Variants in TDRD7 observed in about 807,000 individuals in gnomAD.
TDRD7 encodes tudor domain-containing protein 7.
In TDRD7, 47 loss-of-function variants were observed where a neutral mutation model predicts 109.8. That is an observed-to-expected ratio of 0.43 (90% CI 0.34 to 0.55). TDRD7 has a LOEUF of 0.55. TDRD7 is among the 20% of genes least tolerant of loss of function. The pLI is 0.03. For missense variants in TDRD7, 1,164 were observed against 1,319.2 expected (o/e 0.88, Z 1.82); for synonymous variants, 424 against 457.3 (o/e 0.93, Z 0.93).
chr9:97,460,795 C>A, intron 7 of TDRD7, 31 bp downstream of exon 7: 1 of 1,582,210 alleles, frequency 6.3e-7, no homozygotes, highest in Non-Finnish European at 8.7e-7. Context: ...CTTTAGGATT[C>A]TGATATACTT....
At chr9:97,464,315 T>C (rs930171463) in intron 7 of TDRD7, among the ~76,000 whole-genome samples, 1 of 152,182 alleles carries the variant, frequency 6.6e-6, no homozygotes, top group Non-Finnish European at 1.5e-5. Context: ...TTGGACCAAA[T>C]GTTTGCTGTG....
intron 8 of TDRD7, among the ~76,000 whole-genome samples, chr9:97,469,434 A>G (rs1250819128): frequency 6.6e-6 from 1 of 152,184 alleles, no homozygotes; most frequent in East Asian, 1.9e-4. Context: ...GAAAGGAGTT[A>G]GTGGTGTCTT....
chr9:97,453,178 G>A (rs759393300), intron 6 of TDRD7, among the ~76,000 whole-genome samples: 4 of 152,176 alleles, frequency 2.6e-5, no homozygotes, highest in Non-Finnish European at 5.9e-5. Context: ...ACCCACTTCA[G>A]AGAAAGTATT....
chr9:97,431,492 A>G (rs950881729), intron 3 of TDRD7, among the ~76,000 whole-genome samples: 3 of 152,220 alleles, frequency 2.0e-5, no homozygotes, highest in African/African-American at 7.2e-5. Context: ...GAAATGTTAT[A>G]GACAACTCAG....
intron 6 of TDRD7, among the ~76,000 whole-genome samples, chr9:97,453,299 C>T (rs1338209319): frequency 2.0e-5 from 3 of 151,916 alleles, no homozygotes; most frequent in Non-Finnish European, 1.5e-5. Flanking sequence ...TCAAGTGCTG[C>T]ATAACAACAT....
chr9:97,419,963 G>A (rs1364074741), intron 1 of TDRD7, among the ~76,000 whole-genome samples: 2 of 152,048 alleles, frequency 1.3e-5, no homozygotes, highest in East Asian at 3.8e-4. Flanking sequence ...ATAAGTTGAG[G>A]ATAATAGCCT....
At chr9:97,479,739 T>A (rs151167154) in intron 13 of TDRD7, among the ~76,000 whole-genome samples, 91 of 152,318 alleles carry the variant, frequency 6.0e-4, no homozygotes, top group African/African-American at 2.0e-3. Context: ...GTTTTGGCTC[T>A]TGGCTCTTAC....
intron 1 of TDRD7, among the ~76,000 whole-genome samples, chr9:97,420,552 G>A (rs767301738): frequency 1.3e-5 from 2 of 152,038 alleles, no homozygotes; most frequent in African/African-American, 2.4e-5. Context: ...AGCCTTTTGT[G>A]TCCAGCTTTT....
At chr9:97,466,453 A>G (rs1320151704) in intron 8 of TDRD7, among the ~76,000 whole-genome samples, 1 of 35,248 alleles carries the variant, frequency 2.8e-5, no homozygotes, top group African/African-American at 1.3e-4. Flanking sequence ...CGAACACTTA[A>G]CCATATGACC....
chr9:97,487,409 G>A, intron 16 of TDRD7, 77 bp downstream of exon 16: 1 of 1,584,066 alleles, frequency 6.3e-7, no homozygotes, highest in Non-Finnish European at 8.7e-7. Context: ...AGCAAGTACT[G>A]AATCATTGGC....
chr9:97,438,008 C>T (rs1828234560), intron 4 of TDRD7, among the ~76,000 whole-genome samples: 2 of 152,116 alleles, frequency 1.3e-5, no homozygotes, highest in African/African-American at 4.8e-5. Flanking sequence ...ACAGTCCCTT[C>T]CATAGTTTCT....
chr9:97,489,504 T>C (rs10118258), intron 16 of TDRD7, among the ~76,000 whole-genome samples: 96 of 152,360 alleles, frequency 6.3e-4, no homozygotes, highest in African/African-American at 2.1e-3. Flanking sequence ...TATATCTTTC[T>C]CCATCCCTTT....
rs1564211093 is a variant in TDRD7 at position 97,473,619 on chromosome 9, A to G, written c.2072A>G (p.His691Arg). The G allele has an allele frequency of 1.2e-6, 2 of 1,613,588 alleles. No homozygotes were observed. Among genetic ancestry groups the G allele is most frequent in the Admixed American group, 1.7e-5 (1 of 59,972 alleles). Residue 691 changes from histidine to arginine, a missense_variant, in exon 11 of 17, where the codon CAT (histidine) becomes CGT (arginine). His to Arg is a conservative substitution (Grantham distance 29). Transcript: ENST00000355295. ...CTACGTAAGATAGAGGACTACTTCC[A>G]TTGCAAGGTATAGCAGAACCTCTTC... ...DLLRKIEDYFHCKHMTSECFV... is the reference protein window; with the variant it reads ...DLLRKIEDYFRCKHMTSECFV...
chr9:97,495,541 C>T, intron 16 of TDRD7, 122 bp from the exon 17 acceptor site: 1 of 933,172 alleles, frequency 1.1e-6, no homozygotes. Flanking sequence ...TCAGTTCAGG[C>T]AAGTCTAACC....
intron 6 of TDRD7, among the ~76,000 whole-genome samples, chr9:97,457,783 C>T (rs527872163): frequency 1.3e-5 from 2 of 152,220 alleles, no homozygotes. Context: ...TGCGTACACA[C>T]TATGGAATAC....
At chr9:97,413,398 A>C (rs1421068351) in intron 1 of TDRD7, among the ~76,000 whole-genome samples, 2 of 151,998 alleles carry the variant, frequency 1.3e-5, no homozygotes, top group Admixed American at 6.5e-5. Flanking sequence ...CTATGTGTCA[A>C]ATAGAGGTAC....
chr9:97,440,930 A>G (rs1207689357), intron 5 of TDRD7, among the ~76,000 whole-genome samples: 1 of 152,210 alleles, frequency 6.6e-6, no homozygotes, highest in African/African-American at 2.4e-5. Flanking sequence ...TAACTCTCAC[A>G]TTCTAAGTTT....
At position 97,495,779 on chromosome 9, in the gene TDRD7, C is replaced by T. The variant is rs746284660; in HGVS notation, c.3193C>T (p.Arg1065Trp). The change falls in exon 17 of 17, where the codon CGG becomes TGG. Residue 1065 changes from arginine (R) to tryptophan (W), a missense_variant. Physicochemically the swap from Arg to Trp is moderately radical, Grantham distance 101. Around this residue, in one of 5 missense-constraint regions of TDRD7, gnomAD observed 162 missense variants for 222.5 expected, o/e 0.73. Coordinates refer to ENST00000355295, the MANE Select transcript of TDRD7 (RefSeq NM_014290.3). ...TVIENANPWD[R>W]KVVVYLVDTS... ...CATTGAAAATGCTAACCCTTGGGAC[C>T]GGAAAGTAGTGGTCTACTTAGTGGA... The T allele has an allele frequency of 2.0e-5, 33 of 1,614,002 alleles. No homozygotes were observed. The highest frequency in any genetic ancestry group is 4.4e-5 in the South Asian group (4 of 91,080).
At chr9:97,441,953 C>A in intron 6 of TDRD7, 78 bp downstream of exon 6, 1 of 1,183,132 alleles carries the variant, frequency 8.5e-7, no homozygotes, top group Non-Finnish European at 1.3e-6. Context: ...AGTCATATCA[C>A]CTTTTATCCC....
Sources: gnomAD v4.1 joint callset for allele counts (sites outside exome capture counted in the v4.1 genomes callset) on GRCh38, gnomAD v4.1.1 for gene constraint, gnomAD v4.1.1 regional missense constraint, MANE v1.5 for transcripts, NCBI Gene and HGNC (gene_info 2026-07-23, HGNC 2026-07-21) for gene names.